The following CEP95 variants were observed in gnomAD, a reference collection of about 807,000 sequenced individuals.
CEP95 encodes the protein centrosomal protein 95, also known as centrosomal protein of 95 kDa.
CEP95 carries 98 observed loss-of-function variants against 111.2 expected under a neutral mutation model. The ratio of observed to expected loss-of-function variants is 0.88; its 90% confidence interval spans 0.75 to 1.04. CEP95 has a LOEUF of 1.04. Among genes scored for constraint, CEP95 ranks in the 50% least tolerant of loss-of-function variants. The pLI is 0.00. For missense variants in CEP95, 1,027 were observed against 977.2 expected (o/e 1.05, Z -0.68); for synonymous variants, 323 against 327.1 (o/e 0.99, Z 0.14).
intron 7 of CEP95, 73 bp downstream of exon 7, chr17:64,521,600 T>C: frequency 7.0e-7 from 1 of 1,423,952 alleles, no homozygotes; most frequent in Non-Finnish European, 9.5e-7. Flanking sequence ...CCATTAGCCT[T>C]TTTACTTTTA....
chr17:64,527,048 A>G (rs1490098759), intron 10 of CEP95, 63 bp from the exon 11 acceptor site: 1 of 1,394,322 alleles, frequency 7.2e-7, no homozygotes. Context: ...AGGTCTGCCT[A>G]CTCCTACGAA....
chr17:64,510,686 G>A (rs2038845434), intron 3 of CEP95, among the ~76,000 whole-genome samples: 1 of 152,140 alleles, frequency 6.6e-6, no homozygotes, highest in Non-Finnish European at 1.5e-5. Flanking sequence ...GGTAGCCGGG[G>A]CTACAGGTGT....
chr17:64,510,191 G>C lies in CEP95; in HGVS notation c.167G>C (p.Arg56Thr). 6.2e-7 allele frequency: 1 copy of C among 1,607,310 alleles called. No individual in the cohort carries two copies. Among genetic ancestry groups the C allele is most frequent in the Non-Finnish European group, 8.5e-7 (1 of 1,175,536 alleles). The change falls in exon 3 of 20, where the codon AGG becomes ACG. Residue 56 changes from arginine to threonine, a missense_variant. Coordinates refer to ENST00000556440, the MANE Select transcript of CEP95 (RefSeq NM_138363.3). ...CCCCCAGACCTCATAGTTATTCCTAGGAGTCAAGAAGATGATGCACACAAT... is the reference window on the plus strand; with the variant it reads ...CCCCCAGACCTCATAGTTATTCCTACGAGTCAAGAAGATGATGCACACAAT... ...EKVPDLIVIPRSQEDDAHNVQ... is the reference protein window; with the variant it reads ...EKVPDLIVIPTSQEDDAHNVQ...
chr17:64,506,886 C>G (rs550095557), upstream of CEP95: 44 of 651,084 alleles, frequency 6.8e-5, no homozygotes, highest in Middle Eastern at 8.2e-4. Flanking sequence ...CCCAAACCGC[C>G]CCCGTTTCAC....
chr17:64,518,090 T>C (rs1295174498), intron 5 of CEP95, among the ~76,000 whole-genome samples: 1 of 152,188 alleles, frequency 6.6e-6, no homozygotes, highest in African/African-American at 2.4e-5. Context: ...TTGGCAAGGC[T>C]GGTCTTGAAC....
At position 64,522,757 on chromosome 17, in the gene CEP95, C is replaced by T. The variant is rs1555678177; in HGVS notation, c.771C>T (p.Ile257=). The part of the protein sequence containing the change: ...IPNARKLGEP[I]RAAIPLHPPY... ...ATGCTAGGAAGCTAGGGGAGCCTAT[C>T]CGAGCAGCTATTCCTTTACATCCAC... The change falls in exon 8 of 20, where the codon ATC becomes ATT. Residue 257 remains isoleucine, a synonymous_variant. Coordinates refer to ENST00000556440, the MANE Select transcript of CEP95 (RefSeq NM_138363.3). The T allele has an allele frequency of 6.2e-7, 1 of 1,613,866 alleles. No individual in the cohort carries two copies. The highest frequency in any genetic ancestry group is 1.7e-5 in the Admixed American group (1 of 59,996).
rs782645291 is a variant in CEP95 at position 64,508,654 on chromosome 17, C to T, written c.82C>T (p.Leu28Phe). Residue 28 changes from leucine (L) to phenylalanine (F), a missense_variant, in exon 2 of 20, where the codon CTT (leucine) becomes TTT (phenylalanine). Coordinates refer to ENST00000556440, the MANE Select transcript of CEP95 (RefSeq NM_138363.3). ...KCHIHLRIHE[L>F]QDCDANVFIA... Reference sequence around the variant, plus strand: ...TCATATACATCTGAGAATACATGAACTTCAAGACTGTGATGCTAATGTTTT... The same window carrying T: ...TCATATACATCTGAGAATACATGAATTTCAAGACTGTGATGCTAATGTTTT... 6.8e-6 allele frequency: 10 copies of T among 1,467,898 alleles called. No individual in the cohort carries two copies. The highest frequency in any genetic ancestry group is 3.1e-5 in the South Asian group (2 of 65,144). The allele number at this position is 1,467,898 out of a possible 1,614,324, so 90.9% of individuals were successfully genotyped here.
chr17:64,514,221 T>C (rs2039031085), intron 3 of CEP95, 27 bp from the exon 4 acceptor site: 1 of 890,558 alleles, frequency 1.1e-6, no homozygotes, highest in African/African-American at 1.7e-5. Context: ...GGTTAAATTT[T>C]TTAATAGCTC....
At chr17:64,507,366 T>A (rs2038607685) in intron 1 of CEP95, 3 of 1,410,856 alleles carry the variant, frequency 2.1e-6, no homozygotes, top group Non-Finnish European at 1.8e-6. Context: ...ACTTGGGTCC[T>A]GGCTGTAAAA....
chr17:64,526,115 C>A lies in CEP95; in HGVS notation c.1067C>A (p.Pro356His), dbSNP rs782382438. ...GCCTCATCCTGCAATTCACCTTTCCCCCAGAGGCCAAGAAAGAGATTAACA... is the reference window on the plus strand; with the variant it reads ...GCCTCATCCTGCAATTCACCTTTCCACCAGAGGCCAAGAAAGAGATTAACA... Reference protein sequence around the residue: ...ATASSCNSPFPQRPRKRLTEQ... With the variant: ...ATASSCNSPFHQRPRKRLTEQ... The change falls in exon 10 of 20, where the codon CCC becomes CAC. Residue 356 changes from proline (P) to histidine (H), a missense_variant. Coordinates refer to ENST00000556440, the MANE Select transcript of CEP95 (RefSeq NM_138363.3). The A allele has an allele frequency of 6.2e-7, 1 of 1,613,720 alleles. No individual in the cohort carries two copies. The highest frequency in any genetic ancestry group is 8.5e-7 in the Non-Finnish European group (1 of 1,179,770).
At chr17:64,534,770 G>GA in intron 17 of CEP95, 33 bp downstream of exon 17, 1 of 1,395,528 alleles carries the variant, frequency 7.2e-7, no homozygotes, top group Non-Finnish European at 1.0e-6. Flanking sequence ...GCCCTGTTAA[G>GA]AAGGTGAACT....
rs1340347319 is a variant in CEP95, at chr17:64,508,618, C to T, written c.46C>T (p.Leu16Phe). The change falls in exon 2 of 20, where the codon CTT (leucine) becomes TTT (phenylalanine). Residue 16 changes from leucine to phenylalanine, a missense_variant. Coordinates refer to ENST00000556440, the MANE Select transcript of CEP95 (RefSeq NM_138363.3). The stretch of plus-strand genomic sequence containing the variant: ...GTGGGTAACCATTGCCAATAACCTT[C>T]TTTTTAAGTGTCATATACATCTGAG... Reference protein sequence around the residue: ...AEWVTIANNLLFKCHIHLRIH... With the variant: ...AEWVTIANNLFFKCHIHLRIH... 3.5e-6 allele frequency: 5 copies of T among 1,432,272 alleles called. No homozygotes were observed. In the Admixed American group the frequency reaches 1.2e-4, roughly 34 times the overall value. 88.7% of individuals were successfully genotyped at this position (1,432,272 alleles called of 1,614,324 possible).
chr17:64,510,664 C>G (rs1207932920), intron 3 of CEP95, among the ~76,000 whole-genome samples: 1 of 152,190 alleles, frequency 6.6e-6, no homozygotes, highest in Non-Finnish European at 1.5e-5. Flanking sequence ...ATCCTCTCAC[C>G]TCAGCCTCCC....
At position 64,519,413 on chromosome 17, in the gene CEP95, A is replaced by C. The variant is rs1555677170; in HGVS notation, c.566A>C (p.His189Pro). The C allele has an allele frequency of 6.2e-7, 1 of 1,613,070 alleles. No homozygotes were observed. The highest frequency in any genetic ancestry group is 1.3e-5 in the African/African-American group (1 of 75,064). Reference sequence around the variant, plus strand: ...ATCATTAGACTTGGAGACACAGCACACACCTTTTCTCTAAGAAGTAATGGT... The same window carrying C: ...ATCATTAGACTTGGAGACACAGCACCCACCTTTTCTCTAAGAAGTAATGGT... ...GEIIRLGDTA[H>P]TFSLRSNGAQ... The change falls in exon 6 of 20, where the codon CAC (histidine) becomes CCC (proline). Residue 189 changes from histidine to proline, a missense_variant. His to Pro is a moderately conservative substitution (Grantham distance 77). Transcript: ENST00000556440.
chr17:64,526,454 A>G (rs1337517592), intron 10 of CEP95, among the ~76,000 whole-genome samples: 1 of 152,248 alleles, frequency 6.6e-6, no homozygotes, highest in Non-Finnish European at 1.5e-5. Context: ...ATAAACGATT[A>G]TGTTAAGCCA....
intron 17 of CEP95, chr17:64,535,373 C>CA (rs1443564792): frequency 1.3e-5 from 2 of 155,766 alleles, no homozygotes; most frequent in African/African-American, 4.8e-5. Flanking sequence ...TGCGCATATC[C>CA]AAGCCCTTTG....
chr17:64,532,162 T>G (rs998481332), intron 14 of CEP95, 140 bp downstream of exon 14: 4 of 1,362,394 alleles, frequency 2.9e-6, no homozygotes, highest in Non-Finnish European at 2.8e-6. Context: ...CACTGCCATG[T>G]GGCTGGTTTT....
chr17:64,507,268 C>T (rs1046149028), intron 1 of CEP95, 152 bp downstream of exon 1: 3 of 1,490,190 alleles, frequency 2.0e-6, no homozygotes, highest in Non-Finnish European at 2.7e-6. Flanking sequence ...GATAGGGTCT[C>T]TCAGCTTCAC....
intron 5 of CEP95, 69 bp downstream of exon 5, chr17:64,516,897 C>A: frequency 1.2e-6 from 1 of 853,096 alleles, no homozygotes; most frequent in Non-Finnish European, 1.9e-6. Context: ...TAAAATCACA[C>A]GTAATATACC....
Sources: gnomAD v4.1 joint callset for allele counts (sites outside exome capture counted in the v4.1 genomes callset) on GRCh38, gnomAD v4.1.1 for gene constraint, MANE v1.5 for transcripts, NCBI Gene and HGNC (gene_info 2026-07-23, HGNC 2026-07-21) for gene names.